The following ERBB4 variants were observed in gnomAD, a reference collection of about 807,000 sequenced individuals.
The protein encoded by ERBB4 is receptor tyrosine-protein kinase erbB-4.
In ERBB4, 42 loss-of-function variants were observed where a neutral mutation model predicts 158.0. The observed-to-expected ratio is 0.27, with a 90% CI of 0.21 to 0.34. The LOEUF is 0.34. Ranked by LOEUF, ERBB4 falls within the 10% of genes least tolerant of loss-of-function variation. The probability of loss-of-function intolerance (pLI) is 1.00; values close to 1 mark genes in which losing one functional copy is unlikely to be tolerated. For missense variants in ERBB4, 1,333 were observed against 1,624.1 expected (o/e 0.82, Z 3.08); for synonymous variants, 583 against 558.7 (o/e 1.04, Z -0.61).
At chr2:212,259,947 T>A (rs2084874157) in intron 1 of ERBB4, among the ~76,000 whole-genome samples, 2 of 151,796 alleles carry the variant, frequency 1.3e-5, no homozygotes, top group African/African-American at 4.8e-5. Context: ...GTGCATCCTG[T>A]AATCCCAGCT....
intron 20 of ERBB4, among the ~76,000 whole-genome samples, chr2:211,506,692 A>C (rs2065759827): frequency 6.6e-6 from 1 of 150,406 alleles, no homozygotes; most frequent in South Asian, 2.1e-4. Context: ...AGAAATTAAA[A>C]AAATTGAAAC....
intron 3 of ERBB4, among the ~76,000 whole-genome samples, chr2:211,915,710 G>A (rs1271752795): frequency 6.6e-6 from 1 of 151,600 alleles, no homozygotes; most frequent in Non-Finnish European, 1.5e-5. Context: ...AAATAAACAT[G>A]GGCAGTACAC....
intron 1 of ERBB4, among the ~76,000 whole-genome samples, chr2:212,489,426 T>C (rs1182208967): frequency 1.3e-5 from 2 of 151,962 alleles, no homozygotes; most frequent in African/African-American, 4.8e-5. Context: ...ATAGTACTTT[T>C]TCTATTGCTC....
At chr2:211,812,943 G>A (rs1328092512) in intron 3 of ERBB4, among the ~76,000 whole-genome samples, 1 of 152,216 alleles carries the variant, frequency 6.6e-6, no homozygotes, top group Non-Finnish European at 1.5e-5. Flanking sequence ...TCCAGGTACT[G>A]TCTGTCATGG....
chr2:211,698,094 A>G (rs1575005103), intron 12 of ERBB4, among the ~76,000 whole-genome samples: 1 of 152,134 alleles, frequency 6.6e-6, no homozygotes, highest in African/African-American at 2.4e-5. Flanking sequence ...AGGCGGGCGG[A>G]TCACCTGAGA....
intron 3 of ERBB4, among the ~76,000 whole-genome samples, chr2:211,791,443 A>G (rs1559522272): frequency 6.6e-6 from 1 of 152,022 alleles, no homozygotes; most frequent in East Asian, 1.9e-4. Flanking sequence ...GTTAAGAAAG[A>G]TAGGCAAAGG....
In ERBB4 at chr2:211,767,720, G is replaced by A. The variant is rs905123336; in HGVS notation, c.557-17016C>T. 2.8e-4 allele frequency among the ~76,000 whole-genome samples: 43 copies of A among 152,052 alleles called. 1 individual carries two copies. Among genetic ancestry groups the A allele is most frequent in the Non-Finnish European group, 2.9e-5 (2 of 68,022 alleles). On this transcript the variant is annotated intron_variant, in intron 4 of 27. Transcript: ENST00000342788. ...TAAGAACTCACTCACTATCACCACA[G>A]CAGCATGAGGGTAACAGCCCTAAAT...
rs183195426 is a variant in ERBB4 at position 212,342,310 on chromosome 2, G to A, written c.82+196139C>T. Among the ~76,000 whole-genome samples the A allele has an allele frequency of 4.6e-5, 7 of 152,232 alleles. No individual in the cohort carries two copies. The East Asian group carries it at 7.7e-4, about 17-fold the overall frequency. Reference sequence around the variant, plus strand: ...CACGTGTCATGGGAGGGACCTGGTGGGAGATAACTGAATCATGGGGGTGGG... The same window carrying A: ...CACGTGTCATGGGAGGGACCTGGTGAGAGATAACTGAATCATGGGGGTGGG... On this transcript the variant is annotated intron_variant, in intron 1 of 27. Transcript: ENST00000342788.
At chr2:211,528,723 C>T (rs1170858700) in intron 20 of ERBB4, among the ~76,000 whole-genome samples, 1 of 151,680 alleles carries the variant, frequency 6.6e-6, no homozygotes, top group Non-Finnish European at 1.5e-5. Flanking sequence ...ATTATACAAA[C>T]ACATGGAAAT....
chr2:212,190,750 T>C (rs2125709157), intron 1 of ERBB4, among the ~76,000 whole-genome samples: 1 of 152,290 alleles, frequency 6.6e-6, no homozygotes, highest in South Asian at 2.1e-4. Context: ...TGAAAACCTT[T>C]ACCTTAAATG....
chr2:212,447,319 G>GA lies in ERBB4; in HGVS notation c.82+91129dup, dbSNP rs1574937312. 3.3e-5 allele frequency among the ~76,000 whole-genome samples: 5 copies of GA among 151,970 alleles called. No individual in the cohort carries two copies. In the South Asian group the frequency reaches 1.0e-3, roughly 32 times the overall value. Reference sequence around the variant, plus strand: ...GCCAATACCAAATTTTTCAAAAGGTGAAAAAATACATTCCACTTAACATTT... The same window carrying GA: ...GCCAATACCAAATTTTTCAAAAGGTGAAAAAAATACATTCCACTTAACATTT... On this transcript the variant is annotated intron_variant, in intron 1 of 27. Coordinates refer to ENST00000342788, the MANE Select transcript of ERBB4 (RefSeq NM_005235.3).
At chr2:212,215,886 A>G (rs1360235567) in intron 1 of ERBB4, among the ~76,000 whole-genome samples, 1 of 151,462 alleles carries the variant, frequency 6.6e-6, no homozygotes, top group Admixed American at 6.6e-5. Context: ...CCTTTTAGCA[A>G]TAATAGATGC....
intron 1 of ERBB4, among the ~76,000 whole-genome samples, chr2:212,256,017 T>G (rs200857914): frequency 7.0e-6 from 1 of 142,066 alleles, no homozygotes; most frequent in African/African-American, 2.6e-5. Context: ...TTTTTACAAA[T>G]GGGGGGGGGT....
At chr2:211,858,500 A>G (rs904467573) in intron 3 of ERBB4, among the ~76,000 whole-genome samples, 1 of 152,216 alleles carries the variant, frequency 6.6e-6, no homozygotes. Context: ...ATTTTGTACT[A>G]GCTTACCAAA....
intron 20 of ERBB4, among the ~76,000 whole-genome samples, chr2:211,465,577 A>C (rs1180147683): frequency 1.3e-5 from 2 of 152,132 alleles, no homozygotes; most frequent in Non-Finnish European, 2.9e-5. Flanking sequence ...TGAAGCCTAA[A>C]TGACAGTTAG....
intron 3 of ERBB4, among the ~76,000 whole-genome samples, chr2:211,913,084 G>A (rs559009111): frequency 2.0e-5 from 3 of 152,086 alleles, no homozygotes; most frequent in African/African-American, 7.2e-5. Context: ...TCATTCTGAA[G>A]GCTCCCATCT....
chr2:212,436,177 G>A (rs960746564), intron 1 of ERBB4, among the ~76,000 whole-genome samples: 3 of 151,906 alleles, frequency 2.0e-5, no homozygotes, highest in South Asian at 4.1e-4. Context: ...AACACTGTCA[G>A]CCATATAAAC....
chr2:212,518,629 T>C (rs1280212836), intron 1 of ERBB4, among the ~76,000 whole-genome samples: 1 of 151,998 alleles, frequency 6.6e-6, no homozygotes, highest in Non-Finnish European at 1.5e-5. Context: ...AAATGTGATC[T>C]TTTTTTGCGA....
intron 1 of ERBB4, among the ~76,000 whole-genome samples, chr2:212,397,462 C>G (rs569945914): frequency 5.4e-4 from 80 of 147,508 alleles, no homozygotes; most frequent in African/African-American, 2.0e-3. Flanking sequence ...ACAGAGCAAG[C>G]CCCTGTCAAA....
Sources: allele counts gnomAD v4.1 joint callset (sites outside exome capture counted in the v4.1 genomes callset), GRCh38; gene constraint gnomAD v4.1.1; transcripts MANE v1.5; gene names NCBI Gene and HGNC (gene_info 2026-07-23, HGNC 2026-07-21).